Variants in DLGAP4 observed in about 807,000 individuals in gnomAD.
DLGAP4 encodes disks large-associated protein 4.
A neutral mutation model predicts 86.9 loss-of-function variants in DLGAP4; 18 were observed. That is an observed-to-expected ratio of 0.21 (90% CI 0.14 to 0.31). The LOEUF is 0.31. Among genes scored for constraint, DLGAP4 ranks in the 10% least tolerant of loss-of-function variants. DLGAP4 has a pLI of 1.00. For missense variants in DLGAP4, 1,085 were observed against 1,362.6 expected (o/e 0.80, Z 3.21); for synonymous variants, 548 against 574.3 (o/e 0.95, Z 0.65).
At chr20:36,406,856 C>T (rs1280111601) in intron 2 of DLGAP4, among the ~76,000 whole-genome samples, 1 of 152,088 alleles carries the variant, frequency 6.6e-6, no homozygotes, top group African/African-American at 2.4e-5. Context: ...CCACATTGCG[C>T]AGACAGGGAA....
chr20:36,438,579 A>T (rs1183222229), intron 4 of DLGAP4, among the ~76,000 whole-genome samples: 1 of 150,566 alleles, frequency 6.6e-6, no homozygotes, highest in African/African-American at 2.4e-5. Flanking sequence ...TATTGTAAAG[A>T]TGGGGCCTCA....
Position 36,308,148 on chromosome 20 carries a change from C to T in DLGAP4, c.-304+1636C>T, listed in dbSNP as rs1215029051. 6.6e-6 allele frequency among the ~76,000 whole-genome samples: 1 copy of T among 152,200 alleles called. No individual in the cohort carries two copies. Among genetic ancestry groups the T allele is most frequent in the African/African-American group, 2.4e-5 (1 of 41,462 alleles). ...GGGGCTGGCTAGAGTGCCTGTCTCC[C>T]GCTGTGGCAGGGGTAGGCCAGGGAT... On this transcript the variant is annotated intron_variant, in intron 1 of 12. Transcript: ENST00000339266. This position sits in a 1 kb window ranked among gnomAD's most constrained non-coding sequence, Gnocchi z 4.5.
chr20:36,378,709 C>T (rs1466310917), intron 2 of DLGAP4, among the ~76,000 whole-genome samples: 2 of 151,702 alleles, frequency 1.3e-5, no homozygotes, highest in Admixed American at 6.6e-5. Context: ...TTTTGATGGG[C>T]GAAAGGGAAG....
At chr20:36,463,752 T>C (rs1158233244) in intron 7 of DLGAP4, among the ~76,000 whole-genome samples, 1 of 152,206 alleles carries the variant, frequency 6.6e-6, no homozygotes, top group African/African-American at 2.4e-5. Flanking sequence ...CTGCTTTTCC[T>C]GCTTCCCCTG....
chr20:36,499,471 C>A, intron 8 of DLGAP4, 117 bp from the exon 9 acceptor site: 1 of 1,358,096 alleles, frequency 7.4e-7, no homozygotes, highest in Non-Finnish European at 1.0e-6. Flanking sequence ...TCGTGTCTGT[C>A]TGTCCACACG....
intron 6 of DLGAP4, among the ~76,000 whole-genome samples, chr20:36,444,169 G>A (rs1175026974): frequency 6.6e-6 from 1 of 152,202 alleles, no homozygotes; most frequent in Admixed American, 6.5e-5. Context: ...TTTTGGATAT[G>A]CCACATGGCC....
At chr20:36,339,498 C>T (rs2065355739) in intron 1 of DLGAP4, among the ~76,000 whole-genome samples, 1 of 152,212 alleles carries the variant, frequency 6.6e-6, no homozygotes, top group Admixed American at 6.5e-5. Context: ...AGTGATCCTC[C>T]CACCTCAGCC....
intron 7 of DLGAP4, among the ~76,000 whole-genome samples, chr20:36,484,619 C>G (rs987091253): frequency 1.3e-5 from 2 of 152,398 alleles, no homozygotes; most frequent in Middle Eastern, 3.4e-3. Flanking sequence ...AAGGGACTTT[C>G]TCTGCTTTCA....
chr20:36,453,482 T>A (rs998111793), intron 7 of DLGAP4, among the ~76,000 whole-genome samples: 2 of 151,934 alleles, frequency 1.3e-5, no homozygotes, highest in African/African-American at 4.8e-5. Flanking sequence ...AGAACCTGTC[T>A]CTACAAAATA....
chr20:36,464,756 A>G (rs1349603045), intron 7 of DLGAP4, among the ~76,000 whole-genome samples: 1 of 152,160 alleles, frequency 6.6e-6, no homozygotes, highest in Non-Finnish European at 1.5e-5. Flanking sequence ...AGGCTGACGC[A>G]GGAGAATCAT....
intron 7 of DLGAP4, chr20:36,461,771 G>GCCCT: frequency 4.3e-6 from 1 of 231,378 alleles, no homozygotes; most frequent in Non-Finnish European, 5.8e-6. Context: ...CCGCCCGCCC[G>GCCCT]CGCTTCCGTC....
intron 12 of DLGAP4, 163 bp downstream of exon 12, chr20:36,526,169 T>C: frequency 9.9e-7 from 1 of 1,009,612 alleles, no homozygotes; most frequent in South Asian, 1.4e-5. Context: ...GGCACTTGTC[T>C]GGCATGCCGC....
intron 7 of DLGAP4, among the ~76,000 whole-genome samples, chr20:36,457,279 C>T (rs1422443984): frequency 6.6e-6 from 1 of 151,536 alleles, no homozygotes; most frequent in Non-Finnish European, 1.5e-5. Flanking sequence ...CGTGCAGTAG[C>T]GAGATCTTGG....
rs1555919453 is a variant in DLGAP4, at chr20:36,527,479, C to CTTATGTTTTTCTCTTTTCCCT, written c.*450_*470dup. On this transcript the variant is annotated 3_prime_UTR_variant, in exon 13 of 13. Transcript: ENST00000339266. The stretch of plus-strand genomic sequence containing the variant: ...CCCCGCTCTGACCTTGATTTTCATT[C>CTTATGTTTTTCTCTTTTCCCT]TTATGTTTTTCTCTTTTCCCTTCAG... 6.5e-6 allele frequency: 1 copy of CTTATGTTTTTCTCTTTTCCCT among 154,778 alleles called. No individual in the cohort carries two copies. The highest frequency in any genetic ancestry group is 1.4e-5 in the Non-Finnish European group (1 of 69,532). 9.6% of individuals were successfully genotyped at this position (154,778 alleles called of 1,614,324 possible).
At chr20:36,320,910 C>T (rs2065161526) in intron 1 of DLGAP4, among the ~76,000 whole-genome samples, 2 of 152,210 alleles carry the variant, frequency 1.3e-5, no homozygotes, top group Admixed American at 6.5e-5. Flanking sequence ...TCTGAATCCC[C>T]GAACCCTCCT....
chr20:36,486,681 G>A (rs2035430525), intron 7 of DLGAP4, among the ~76,000 whole-genome samples: 1 of 151,396 alleles, frequency 6.6e-6, no homozygotes, highest in Non-Finnish European at 1.5e-5. Context: ...CGCAATCTCG[G>A]CTCACTGCAA....
intron 7 of DLGAP4, among the ~76,000 whole-genome samples, chr20:36,452,801 C>T (rs1022088848): frequency 4.1e-5 from 6 of 146,412 alleles, no homozygotes; most frequent in South Asian, 2.2e-4. Context: ...TGAGCCACTG[C>T]GCTTGGCCTT....
intron 10 of DLGAP4, among the ~76,000 whole-genome samples, chr20:36,515,637 C>G (rs921295212): frequency 6.6e-6 from 1 of 152,184 alleles, no homozygotes; most frequent in Non-Finnish European, 1.5e-5. Context: ...GTTGCCCAGG[C>G]TGGTCTCAAA....
At chr20:36,464,602 C>A (rs959723974) in intron 7 of DLGAP4, among the ~76,000 whole-genome samples, 15 of 152,134 alleles carry the variant, frequency 9.9e-5, no homozygotes, top group Non-Finnish European at 1.6e-4. Flanking sequence ...GTAATCCCAA[C>A]ACTTTGGGAG....
Sources: allele counts gnomAD v4.1 joint callset (sites outside exome capture counted in the v4.1 genomes callset), GRCh38; gene constraint gnomAD v4.1.1; non-coding constraint Gnocchi (gnomAD v3.1); transcripts MANE v1.5; gene names NCBI Gene and HGNC (gene_info 2026-07-23, HGNC 2026-07-21).